The following CCDC138 variants were observed in gnomAD, a reference collection of about 807,000 sequenced individuals.
The protein encoded by CCDC138 is coiled-coil domain-containing protein 138.
Under a neutral mutation model 82.3 loss-of-function variants are expected in CCDC138, and 66 were observed. The observed-to-expected ratio is 0.80, with a 90% CI of 0.66 to 0.98. The LOEUF (loss-of-function observed/expected upper bound fraction) is 0.98, where lower values mean the gene tolerates loss of function less well. Among genes scored for constraint, CCDC138 ranks in the 50% least tolerant of loss-of-function variants. The pLI is 0.00. For missense variants in CCDC138, 816 were observed against 758.9 expected (o/e 1.08, Z -0.88); for synonymous variants, 297 against 265.4 (o/e 1.12, Z -1.16).
At chr2:108,882,837 G>A (rs1459060035) in intron 2 of CCDC138, 1 of 152,188 alleles carries the variant, frequency 6.6e-6, no homozygotes, top group Non-Finnish European at 1.5e-5. Flanking sequence ...ATGGAACTGT[G>A]TGCAGATCTG....
Position 108,812,219 on chromosome 2 carries a change from T to C in CCDC138, c.856-412T>C, listed in dbSNP as rs148336908. Among the ~76,000 whole-genome samples the C allele has an allele frequency of 1.9e-3, 295 of 152,252 alleles. 3 individuals carry two copies. Among genetic ancestry groups the C allele is most frequent in the African/African-American group, 6.7e-3 (277 of 41,564 alleles). On this transcript the variant is annotated intron_variant, in intron 7 of 14. Transcript: ENST00000295124. Reference sequence around the variant, plus strand: ...GGAAGTCAGTTCTTCCATATATATATACATATCAGTATATACACAGACACA... The same window carrying C: ...GGAAGTCAGTTCTTCCATATATATACACATATCAGTATATACACAGACACA...
chr2:108,831,655 T>TTCTA (rs1687644528), intron 10 of CCDC138, among the ~76,000 whole-genome samples: 1 of 151,742 alleles, frequency 6.6e-6, no homozygotes, highest in Non-Finnish European at 1.5e-5. Context: ...GGTTCCTAGG[T>TTCTA]TCTATCCCTG....
In CCDC138 at chr2:108,805,027, T is replaced by C. The variant is rs1239669606; in HGVS notation, c.855+19T>C. On this transcript the variant is annotated intron_variant, in intron 7 of 14. Transcript: ENST00000295124. ...AAAACAGGTAAGACCTGTTTTAATA[T>C]ATACTGAACATAAGACATTCTAAGA... 3.7e-6 allele frequency: 5 copies of C among 1,339,244 alleles called. No individual in the cohort carries two copies. The Admixed American group carries it at 1.1e-4, about 29-fold the overall frequency. The allele number at this position is 1,339,244 out of a possible 1,614,324, so 83.0% of individuals were successfully genotyped here. A position where few individuals can be genotyped will look rare whatever the true frequency, so the allele number is the denominator to read the frequency against.
rs1689368237 is a variant in CCDC138 at position 108,840,947 on chromosome 2, G to A, written c.1323+1646G>A. Among the ~76,000 whole-genome samples, 5 of 152,100 alleles carry A rather than the reference G, an allele frequency of 3.3e-5. No homozygotes were observed. The South Asian group carries it at 1.0e-3, about 32-fold the overall frequency. The stretch of plus-strand genomic sequence containing the variant: ...CTGCATCAGCCTCCCAAGTAGCTGG[G>A]ATTACAGATGCCCACCACCACACCT... On this transcript the variant is annotated intron_variant, in intron 11 of 14. Coordinates refer to ENST00000295124, the MANE Select transcript of CCDC138 (RefSeq NM_144978.3).
chr2:108,845,862 C>T (rs1043214360), intron 11 of CCDC138, among the ~76,000 whole-genome samples: 36 of 152,244 alleles, frequency 2.4e-4, no homozygotes, highest in African/African-American at 4.3e-4. Flanking sequence ...TGAGCCACCG[C>T]GCCCAGCCTC....
intron 12 of CCDC138, among the ~76,000 whole-genome samples, chr2:108,854,055 ATTATATATATT>A (rs1411029964): frequency 3.4e-5 from 3 of 88,990 alleles, no homozygotes; most frequent in African/African-American, 1.4e-4. Flanking sequence ...ATAAATTTAT[ATTATATATATT>A]TTATATATAA....
intron 12 of CCDC138, among the ~76,000 whole-genome samples, chr2:108,850,773 A>C (rs1691340921): frequency 6.6e-6 from 1 of 152,124 alleles, no homozygotes; most frequent in Non-Finnish European, 1.5e-5. Context: ...TTGACACCAC[A>C]GTGCTGTCTA....
chr2:108,789,578 G>C (rs1017768361), intron 3 of CCDC138, among the ~76,000 whole-genome samples: 3 of 152,098 alleles, frequency 2.0e-5, no homozygotes, highest in Admixed American at 1.3e-4. Context: ...TGGGTGATGA[G>C]CAAAACTGTC....
chr2:108,791,606 A>G (rs779269484), intron 3 of CCDC138, 69 bp from the exon 4 acceptor site: 28 of 1,520,012 alleles, frequency 1.8e-5, no homozygotes, highest in South Asian at 9.2e-5. Context: ...ATATTTGAAA[A>G]GCAGTTTTAT....
intron 10 of CCDC138, among the ~76,000 whole-genome samples, chr2:108,821,297 G>A (rs1430862494): frequency 6.6e-6 from 1 of 152,170 alleles, no homozygotes; most frequent in African/African-American, 2.4e-5. Context: ...GGCAGAGGTT[G>A]CAGTGAGCTG....
chr2:108,829,223 T>C (rs908983273), intron 10 of CCDC138, among the ~76,000 whole-genome samples: 2 of 152,176 alleles, frequency 1.3e-5, no homozygotes, highest in African/African-American at 2.4e-5. Context: ...TATTAGCAAA[T>C]TGTGTATCTG....
chr2:108,823,077 A>C (rs1438650228), intron 10 of CCDC138, among the ~76,000 whole-genome samples: 1 of 152,230 alleles, frequency 6.6e-6, no homozygotes, highest in East Asian at 1.9e-4. Context: ...ATAAAAACAC[A>C]GCTTTCCAAG....
intron 2 of CCDC138, among the ~76,000 whole-genome samples, chr2:108,788,651 C>G (rs958722828): frequency 1.3e-5 from 2 of 151,802 alleles, no homozygotes; most frequent in Admixed American, 6.6e-5. Flanking sequence ...ACCCGGGAGA[C>G]GGAGCTTGCA....
chr2:108,848,151 A>G (rs922272917), intron 12 of CCDC138, among the ~76,000 whole-genome samples: 5 of 152,218 alleles, frequency 3.3e-5, no homozygotes, highest in African/African-American at 1.2e-4. Flanking sequence ...AAAATTATTA[A>G]TCATTTATCA....
intron 13 of CCDC138, among the ~76,000 whole-genome samples, chr2:108,869,392 G>A (rs1694900910): frequency 6.6e-6 from 1 of 152,140 alleles, no homozygotes; most frequent in Admixed American, 6.5e-5. Context: ...ATTCAAGCAG[G>A]ACTAGTTTGA....
rs1226284638 is a variant in CCDC138, at chr2:108,811,243, C to T, written c.856-1388C>T. 5.9e-4 allele frequency among the ~76,000 whole-genome samples: 17 copies of T among 28,724 alleles called. No homozygotes were observed. In the East Asian group the frequency reaches 0.021, roughly 36 times the overall value. The allele number at this position is 28,724 out of a possible 152,430, so 18.8% of individuals were successfully genotyped here. A position where few individuals can be genotyped will look rare whatever the true frequency, so the allele number is the denominator to read the frequency against. On this transcript the variant is annotated intron_variant, in intron 7 of 14. Coordinates refer to ENST00000295124, the MANE Select transcript of CCDC138 (RefSeq NM_144978.3). ...TTCTCTCCCTTTTCTTTCTTTCTCT[C>T]TCTCTTTTTTTTTTTTTTTGACTGT...
chr2:108,848,626 G>A (rs1238532086), intron 12 of CCDC138, among the ~76,000 whole-genome samples: 8 of 152,168 alleles, frequency 5.3e-5, no homozygotes, highest in African/African-American at 1.9e-4. Context: ...TATAGTTTGC[G>A]TAAGTTGAGG....
chr2:108,798,221 C>A (rs1192643159), intron 5 of CCDC138, among the ~76,000 whole-genome samples: 1 of 152,148 alleles, frequency 6.6e-6, no homozygotes, highest in South Asian at 2.1e-4. Context: ...TGGACTCTTA[C>A]TATAGTGTCA....
chr2:108,820,582 T>C (rs1258526328), intron 10 of CCDC138, among the ~76,000 whole-genome samples: 2 of 151,404 alleles, frequency 1.3e-5, no homozygotes, highest in Non-Finnish European at 1.5e-5. Context: ...GAGAATCTTT[T>C]AAATTGACAA....
Sources: gnomAD v4.1 joint callset for allele counts (sites outside exome capture counted in the v4.1 genomes callset) on GRCh38, gnomAD v4.1.1 for gene constraint, MANE v1.5 for transcripts, NCBI Gene and HGNC (gene_info 2026-07-23, HGNC 2026-07-21) for gene names.